DLC1: variants seen among roughly 807,000 people sequenced by gnomAD.
The protein encoded by DLC1 is rho GTPase-activating protein 7.
Under a neutral mutation model 140.3 loss-of-function variants are expected in DLC1, and 54 were observed. The ratio of observed to expected loss-of-function variants is 0.38; its 90% CI spans 0.31 to 0.48. The LOEUF (loss-of-function observed/expected upper bound fraction) is 0.48. Ranked by LOEUF, DLC1 falls within the 20% of genes least tolerant of loss-of-function variation. The pLI is 0.96. For synonymous variants in DLC1, 986 were observed against 728.1 expected (o/e 1.35, Z -5.70); for missense variants, 2,536 against 1,907.0 (o/e 1.33, Z -6.14).
chr8:13,597,659 CAT>C (rs1805727696), intron 1 of DLC1, among the ~76,000 whole-genome samples: 2 of 151,966 alleles, frequency 1.3e-5, no homozygotes, highest in Admixed American at 6.6e-5. Context: ...GATGCACACA[CAT>C]GGGAGGCACT....
At chr8:13,203,683 A>T (rs562631946) in intron 5 of DLC1, among the ~76,000 whole-genome samples, 7 of 152,216 alleles carry the variant, frequency 4.6e-5, no homozygotes, top group African/African-American at 1.7e-4. Context: ...TTGTAAACAT[A>T]GGCTTTTACT....
Position 13,148,041 on chromosome 8 carries a change from T to C in DLC1, c.1349-32384A>G, listed in dbSNP as rs562173655. ...CCTGAGATTTGACAACAAACCATTG[T>C]TGTATTCTTCCTCTCTATAGAAATG... On this transcript the variant is annotated intron_variant, in intron 5 of 17. Coordinates refer to ENST00000276297, the MANE Select transcript of DLC1 (RefSeq NM_182643.3). 6.6e-5 allele frequency among the ~76,000 whole-genome samples: 10 copies of C among 152,324 alleles called. 1 individual carries two copies. In the South Asian group the frequency reaches 2.1e-3, roughly 32 times the overall value.
intron 2 of DLC1, among the ~76,000 whole-genome samples, chr8:13,411,218 A>G (rs922374530): frequency 2.0e-5 from 3 of 152,236 alleles, no homozygotes; most frequent in Non-Finnish European, 4.4e-5. Flanking sequence ...GACAAAAAAC[A>G]TTATTCAGCA....
At chr8:13,138,517 T>G (rs1199703289) in intron 5 of DLC1, among the ~76,000 whole-genome samples, 2 of 152,218 alleles carry the variant, frequency 1.3e-5, no homozygotes, top group African/African-American at 4.8e-5. Context: ...AACAGACTCC[T>G]CTGCACTTGG....
intron 16 of DLC1, 142 bp from the exon 17 acceptor site, chr8:13,086,605 G>T: frequency 2.3e-6 from 2 of 866,726 alleles, no homozygotes; most frequent in Non-Finnish European, 3.5e-6. Flanking sequence ...TAGGTAAATG[G>T]CATCCTCTAA....
intron 5 of DLC1, among the ~76,000 whole-genome samples, chr8:13,144,054 A>G (rs1823238013): frequency 6.6e-6 from 1 of 152,206 alleles, no homozygotes; most frequent in South Asian, 2.1e-4. Context: ...TAGCTGGCAA[A>G]GTATCATTTC....
chr8:13,382,676 A>G (rs1836330064), intron 4 of DLC1, among the ~76,000 whole-genome samples: 1 of 152,206 alleles, frequency 6.6e-6, no homozygotes, highest in Admixed American at 6.5e-5. Flanking sequence ...AAACAAATGT[A>G]GATCATACTC....
At chr8:13,243,864 A>C (rs1052456536) in intron 5 of DLC1, among the ~76,000 whole-genome samples, 1 of 152,072 alleles carries the variant, frequency 6.6e-6, no homozygotes, top group Non-Finnish European at 1.5e-5. Flanking sequence ...TGACTCCGTA[A>C]TTGGTATCTT....
chr8:13,332,145 A>AT lies in DLC1; in HGVS notation c.1315-26844dup, dbSNP rs572582706. Among the ~76,000 whole-genome samples the AT allele has an allele frequency of 3.2e-3, 495 of 152,350 alleles. 6 individuals are homozygous for AT. The highest frequency in any genetic ancestry group is 0.012 in the African/African-American group (483 of 41,580). ...CTTATTTTTCTTAATGCCCCTTTAA[A>AT]TTAAAAACAAAACACAAAACACCTT... On this transcript the variant is annotated intron_variant, in intron 4 of 17. Coordinates refer to ENST00000276297, the MANE Select transcript of DLC1 (RefSeq NM_182643.3).
At chr8:13,463,693 T>A (rs1424413982) in intron 2 of DLC1, among the ~76,000 whole-genome samples, 2 of 152,204 alleles carry the variant, frequency 1.3e-5, no homozygotes, top group African/African-American at 4.8e-5. Context: ...TAGCCACTCA[T>A]AGTTATTATT....
chr8:13,167,413 T>C (rs1192140119), intron 5 of DLC1, among the ~76,000 whole-genome samples: 1 of 152,168 alleles, frequency 6.6e-6, no homozygotes, highest in Admixed American at 6.5e-5. Flanking sequence ...ATCTGGACCA[T>C]GCCTCCTTTT....
At chr8:13,204,214 C>T (rs190526834) in intron 5 of DLC1, among the ~76,000 whole-genome samples, 2 of 152,238 alleles carry the variant, frequency 1.3e-5, no homozygotes, top group East Asian at 1.9e-4. Context: ...TGACGGGACC[C>T]GCGGTTGGAT....
At chr8:13,130,165 C>T (rs773028234) in intron 5 of DLC1, among the ~76,000 whole-genome samples, 5 of 152,276 alleles carry the variant, frequency 3.3e-5, no homozygotes, top group East Asian at 1.9e-4. Flanking sequence ...TTAAACATTG[C>T]GTCATGGCTT....
intron 5 of DLC1, among the ~76,000 whole-genome samples, chr8:13,132,625 C>T (rs1030401661): frequency 2.6e-5 from 4 of 152,130 alleles, no homozygotes; most frequent in Non-Finnish European, 4.4e-5. Flanking sequence ...AGCCCCCGCC[C>T]GGCTCAAGGA....
rs116577576 is a variant in DLC1 at position 13,253,759 on chromosome 8, A to T, written c.1348+51510T>A. On this transcript the variant is annotated intron_variant, in intron 5 of 17. Transcript: ENST00000276297. ...GCTTAGGAAGAGGAGGAATTCAGTT[A>T]GTCTGAGTCAATGCCATATGCTAAT... is the stretch of plus-strand genomic sequence containing the variant. Among the ~76,000 whole-genome samples, 790 of 152,330 alleles carry T rather than the reference A, an allele frequency of 5.2e-3. 10 individuals are homozygous for T. Among genetic ancestry groups the T allele is most frequent in the African/African-American group, 0.018 (763 of 41,576 alleles).
At chr8:13,383,851 T>C (rs763577933) in intron 4 of DLC1, among the ~76,000 whole-genome samples, 5 of 152,174 alleles carry the variant, frequency 3.3e-5, no homozygotes, top group Non-Finnish European at 7.3e-5. Context: ...CTTGTAGCCC[T>C]GGTAAAACGT....
intron 5 of DLC1, among the ~76,000 whole-genome samples, chr8:13,302,291 C>G (rs1832232804): frequency 6.6e-6 from 1 of 152,190 alleles, no homozygotes; most frequent in Non-Finnish European, 1.5e-5. Context: ...GAGGCCATGC[C>G]TTGTTCATAA....
chr8:13,230,213 A>G (rs1828983309), intron 5 of DLC1, among the ~76,000 whole-genome samples: 1 of 152,220 alleles, frequency 6.6e-6, no homozygotes, highest in Non-Finnish European at 1.5e-5. Flanking sequence ...ACTTGTAGCC[A>G]GTAAATAGTG....
intron 4 of DLC1, among the ~76,000 whole-genome samples, chr8:13,307,529 A>G (rs1832496585): frequency 6.6e-6 from 1 of 152,262 alleles, no homozygotes; most frequent in Non-Finnish European, 1.5e-5. Context: ...TGTTAAGTCT[A>G]GCCCCTAAAT....
Sources: allele counts gnomAD v4.1 joint callset (sites outside exome capture counted in the v4.1 genomes callset), GRCh38; gene constraint gnomAD v4.1.1; transcripts MANE v1.5; gene names NCBI Gene and HGNC (gene_info 2026-07-23, HGNC 2026-07-21).